PEX14: variants seen among roughly 807,000 people sequenced by gnomAD.
PEX14 encodes peroxisomal membrane protein PEX14.
PEX14 carries 15 observed loss-of-function variants against 49.5 expected under a neutral mutation model. The ratio of observed to expected loss-of-function variants is 0.30; its 90% CI spans 0.20 to 0.47. The LOEUF (loss-of-function observed/expected upper bound fraction) is 0.47, where lower values mean the gene tolerates loss of function less well. Ranked by LOEUF, PEX14 falls within the 20% of genes least tolerant of loss-of-function variation. The pLI is 1.00. For missense variants in PEX14, 398 were observed against 494.8 expected (o/e 0.80, Z 1.86); for synonymous variants, 210 against 212.7 (o/e 0.99, Z 0.11).
intron 4 of PEX14, among the ~76,000 whole-genome samples, chr1:10,601,076 A>G (rs1280088707): frequency 1.3e-5 from 2 of 152,306 alleles, no homozygotes; most frequent in East Asian, 3.9e-4. Flanking sequence ...AGCCTGGCCA[A>G]TGTGGCAAAA....
intron 4 of PEX14, among the ~76,000 whole-genome samples, chr1:10,609,889 A>C (rs1641229378): frequency 6.6e-6 from 1 of 152,008 alleles, no homozygotes. Context: ...CATCTCAAAA[A>C]ATAAATAAAT....
chr1:10,538,670 G>A (rs141436474), intron 3 of PEX14, among the ~76,000 whole-genome samples: 5 of 152,374 alleles, frequency 3.3e-5, no homozygotes, highest in African/African-American at 7.2e-5. Flanking sequence ...AGGTTTCCGT[G>A]CTCAGCACGG....
intron 4 of PEX14, among the ~76,000 whole-genome samples, chr1:10,606,037 T>G (rs181795960): frequency 6.6e-6 from 1 of 152,202 alleles, no homozygotes; most frequent in African/African-American, 2.4e-5. Flanking sequence ...GTCTTTGGTG[T>G]TGATGGCAGT....
intron 3 of PEX14, among the ~76,000 whole-genome samples, chr1:10,548,408 C>CA (rs1390240085): frequency 2.0e-5 from 3 of 152,136 alleles, no homozygotes; most frequent in Non-Finnish European, 2.9e-5. Flanking sequence ...TGAAACTTAA[C>CA]ATAAGGTATA....
intron 3 of PEX14, among the ~76,000 whole-genome samples, chr1:10,552,744 G>A (rs1639371150): frequency 6.6e-6 from 1 of 152,196 alleles, no homozygotes; most frequent in South Asian, 2.1e-4. Context: ...GCTATAATAG[G>A]TATCTGAGTG....
chr1:10,565,153 C>T (rs758744640), intron 3 of PEX14, among the ~76,000 whole-genome samples: 1 of 152,294 alleles, frequency 6.6e-6, no homozygotes, highest in Middle Eastern at 3.4e-3. Context: ...CTGCCCGCCT[C>T]GGCCTCCCAA....
At chr1:10,575,271 C>T (rs12139169) in intron 3 of PEX14, among the ~76,000 whole-genome samples, 50,638 of 151,864 alleles carry the variant, frequency 0.33, 8,707 homozygotes, top group Non-Finnish European at 0.38. Context: ...GTATATAAAG[C>T]GAAAGCTATT....
chr1:10,586,765 G>A (rs1246754819), intron 3 of PEX14, among the ~76,000 whole-genome samples: 5 of 146,868 alleles, frequency 3.4e-5, no homozygotes, highest in African/African-American at 7.5e-5. Flanking sequence ...TCAGCCTCCC[G>A]AGTAGCTGGG....
At chr1:10,500,547 GA>G (rs1278905547) in intron 2 of PEX14, among the ~76,000 whole-genome samples, 1 of 152,088 alleles carries the variant, frequency 6.6e-6, no homozygotes, top group Non-Finnish European at 1.5e-5. Flanking sequence ...GTTCACTGTG[GA>G]TAAGTGGTTC....
At chr1:10,600,496 C>A (rs113160740) in intron 4 of PEX14, among the ~76,000 whole-genome samples, 1 of 152,022 alleles carries the variant, frequency 6.6e-6, no homozygotes, top group African/African-American at 2.4e-5. Context: ...GCAGGCGGAT[C>A]ACTTGAGGTC....
rs1017269057 is a variant in PEX14 at position 10,499,256 on chromosome 1, A to G, written c.84+3935A>G. On this transcript the variant is annotated intron_variant, in intron 2 of 8. Transcript: ENST00000356607. ...TGTTCAGCAATACTATAGCTCATCTACTTTAAACAGTGCTTATGGATTTTG... is the reference window on the plus strand; with the variant it reads ...TGTTCAGCAATACTATAGCTCATCTGCTTTAAACAGTGCTTATGGATTTTG... Among the ~76,000 whole-genome samples, 4 of 152,164 alleles carry G rather than the reference A, an allele frequency of 2.6e-5. No homozygotes were observed. In the South Asian group the frequency reaches 6.2e-4, roughly 24 times the overall value.
intron 1 of PEX14, among the ~76,000 whole-genome samples, chr1:10,478,244 CTAT>C (rs1160008116): frequency 1.3e-5 from 2 of 152,124 alleles, no homozygotes; most frequent in African/African-American, 2.4e-5. Context: ...AATGTGTTGT[CTAT>C]TATTATTATT....
intron 2 of PEX14, among the ~76,000 whole-genome samples, chr1:10,496,029 C>T (rs535284219): frequency 2.0e-4 from 30 of 152,296 alleles, no homozygotes; most frequent in Non-Finnish European, 4.1e-4. Flanking sequence ...TCCTGCGTAG[C>T]GATAGCAGGC....
At chr1:10,537,244 C>T (rs1049565469) in intron 3 of PEX14, among the ~76,000 whole-genome samples, 1 of 149,878 alleles carries the variant, frequency 6.7e-6, no homozygotes, top group Non-Finnish European at 1.5e-5. Flanking sequence ...AACATTTCAC[C>T]ACAGGCAGCT....
chr1:10,627,009 C>G (rs938231026), intron 7 of PEX14, among the ~76,000 whole-genome samples: 2 of 152,208 alleles, frequency 1.3e-5, no homozygotes, highest in Admixed American at 1.3e-4. Flanking sequence ...CTCTAAAAGA[C>G]GCCCACGATA....
At position 10,630,087 on chromosome 1, in the gene PEX14, C is replaced by T. The variant is rs1438412694; in HGVS notation, c.*100C>T. On this transcript the variant is annotated 3_prime_UTR_variant, in exon 9 of 9. Coordinates refer to ENST00000356607, the MANE Select transcript of PEX14 (RefSeq NM_004565.3). This position sits in a 1 kb window ranked among gnomAD's most constrained non-coding sequence, Gnocchi z 4.1. ...CTGGCCCTGGGAGGGCAGCTTGGAG[C>T]CCAGGTAGGGGGCAGAGCTGTCCTC... The T allele has an allele frequency of 6.4e-6, 10 of 1,555,400 alleles. No homozygotes were observed. Among genetic ancestry groups the T allele is most frequent in the Non-Finnish European group, 8.7e-6 (10 of 1,154,994 alleles).
intron 2 of PEX14, among the ~76,000 whole-genome samples, chr1:10,519,854 G>A (rs1310758887): frequency 6.6e-6 from 1 of 152,072 alleles, no homozygotes; most frequent in East Asian, 1.9e-4. Context: ...ACGGCTTACT[G>A]CAGCCTTCAC....
chr1:10,546,988 G>A (rs1639196607), intron 3 of PEX14, among the ~76,000 whole-genome samples: 2 of 152,204 alleles, frequency 1.3e-5, no homozygotes, highest in South Asian at 4.1e-4. Flanking sequence ...AGGAATGACT[G>A]CCAGATAATT....
At chr1:10,563,724 A>T (rs1043919802) in intron 3 of PEX14, among the ~76,000 whole-genome samples, 2 of 152,110 alleles carry the variant, frequency 1.3e-5, no homozygotes, top group Admixed American at 1.3e-4. Flanking sequence ...GGAGATTGAG[A>T]CCACGGTGAA....
Sources: allele counts gnomAD v4.1 joint callset (sites outside exome capture counted in the v4.1 genomes callset), GRCh38; gene constraint gnomAD v4.1.1; non-coding constraint Gnocchi (gnomAD v3.1); transcripts MANE v1.5; gene names NCBI Gene and HGNC (gene_info 2026-07-23, HGNC 2026-07-21).